Variants in TMEM132B observed in about 807,000 individuals in gnomAD.
TMEM132B encodes the protein transmembrane protein 132B.
TMEM132B carries 18 observed loss-of-function variants against 90.8 expected under a neutral mutation model. The observed-to-expected ratio is 0.20, with a 90% CI of 0.14 to 0.29. TMEM132B has a LOEUF of 0.29. TMEM132B is among the 10% of genes least tolerant of loss of function. TMEM132B has a pLI of 1.00. For synonymous variants in TMEM132B, 504 were observed against 523.3 expected (o/e 0.96, Z 0.50); for missense variants, 1,096 against 1,326.8 (o/e 0.83, Z 2.70).
intron 2 of TMEM132B, among the ~76,000 whole-genome samples, chr12:125,404,268 G>A (rs1879401720): frequency 6.6e-6 from 1 of 152,136 alleles, no homozygotes; most frequent in African/African-American, 2.4e-5. Context: ...AAAGGATTGA[G>A]GGCTGGATGT....
intron 1 of TMEM132B, among the ~76,000 whole-genome samples, chr12:125,198,422 G>A (rs1390833697): frequency 6.6e-6 from 1 of 152,158 alleles, no homozygotes; most frequent in Non-Finnish European, 1.5e-5. Flanking sequence ...TTCTCAGACA[G>A]CCTCCCCCCT....
At chr12:125,591,967 CT>C (rs1312039776) in intron 5 of TMEM132B, among the ~76,000 whole-genome samples, 1 of 152,024 alleles carries the variant, frequency 6.6e-6, no homozygotes, top group Non-Finnish European at 1.5e-5. Flanking sequence ...TTGGCCATAT[CT>C]TTTTTTGGGG....
intron 3 of TMEM132B, among the ~76,000 whole-genome samples, chr12:125,491,138 T>C (rs1882340095): frequency 1.3e-5 from 2 of 152,168 alleles, no homozygotes. Flanking sequence ...CTCCTGACTT[T>C]CCAATCCACC....
Position 125,448,566 on chromosome 12 carries a change from T to C in TMEM132B, c.1106+32889T>C, listed in dbSNP as rs546141377. 9.0e-4 allele frequency among the ~76,000 whole-genome samples: 137 copies of C among 152,328 alleles called. 2 individuals carry two copies. The South Asian group carries it at 0.026, about 29-fold the overall frequency. On this transcript the variant is annotated intron_variant, in intron 3 of 8. Transcript: ENST00000682704. ...ACTTCCCCATCCCAGTAGTATTCCA[T>C]TGTATAGATATAATTTATTGTCTAT...
At chr12:125,297,708 T>C (rs951918431) in intron 1 of TMEM132B, among the ~76,000 whole-genome samples, 6 of 152,200 alleles carry the variant, frequency 3.9e-5, no homozygotes, top group African/African-American at 1.4e-4. Context: ...AGACTGCTGG[T>C]GCTCTAGACC....
intron 1 of TMEM132B, among the ~76,000 whole-genome samples, chr12:125,237,797 C>T (rs1873970313): frequency 6.6e-6 from 1 of 152,228 alleles, no homozygotes; most frequent in African/African-American, 2.4e-5. Flanking sequence ...GTGAACTTCA[C>T]AGCACCAGCA....
chr12:125,325,492 G>A (rs375620267), intron 1 of TMEM132B, among the ~76,000 whole-genome samples: 1 of 152,162 alleles, frequency 6.6e-6, no homozygotes, highest in East Asian at 1.9e-4. Flanking sequence ...TATTTACTAA[G>A]CCTTCAAAGA....
At chr12:125,463,179 T>C (rs1438491023) in intron 3 of TMEM132B, among the ~76,000 whole-genome samples, 1 of 152,244 alleles carries the variant, frequency 6.6e-6, no homozygotes. Context: ...CAGACTGCTT[T>C]ACTCAAATTC....
intron 2 of TMEM132B, among the ~76,000 whole-genome samples, chr12:125,351,785 G>A (rs1222627494): frequency 5.9e-5 from 9 of 152,214 alleles, no homozygotes; most frequent in Non-Finnish European, 1.0e-4. Flanking sequence ...TGTCACCAGG[G>A]CTAGGAGTCG....
At chr12:125,504,871 G>A (rs1000109143) in intron 3 of TMEM132B, among the ~76,000 whole-genome samples, 1 of 151,792 alleles carries the variant, frequency 6.6e-6, no homozygotes, top group African/African-American at 2.4e-5. Flanking sequence ...CACAACCACT[G>A]GAAAATGAGG....
At chr12:125,529,720 T>C (rs1883592983) in intron 4 of TMEM132B, among the ~76,000 whole-genome samples, 1 of 152,216 alleles carries the variant, frequency 6.6e-6, no homozygotes. Flanking sequence ...TTAGAAAGGT[T>C]TGAAGGCTTC....
chr12:125,416,773 A>G (rs1170823613), intron 3 of TMEM132B, among the ~76,000 whole-genome samples: 1 of 152,030 alleles, frequency 6.6e-6, no homozygotes, highest in Non-Finnish European at 1.5e-5. Context: ...GATGCCTCTT[A>G]CTCTAAACTC....
chr12:125,268,637 A>G (rs1290511980), intron 1 of TMEM132B, among the ~76,000 whole-genome samples: 1 of 152,244 alleles, frequency 6.6e-6, no homozygotes, highest in Non-Finnish European at 1.5e-5. Context: ...GCACTTTTAT[A>G]TACACACGAT....
At chr12:125,483,700 G>T (rs540866320) in intron 3 of TMEM132B, among the ~76,000 whole-genome samples, 2 of 152,276 alleles carry the variant, frequency 1.3e-5, no homozygotes, top group South Asian at 4.2e-4. Flanking sequence ...ATGAATGAAT[G>T]GGTATCAGGA....
At chr12:125,197,268 G>A (rs1872946119) in intron 1 of TMEM132B, among the ~76,000 whole-genome samples, 1 of 152,078 alleles carries the variant, frequency 6.6e-6, no homozygotes, top group African/African-American at 2.4e-5. Flanking sequence ...GATGATTCTG[G>A]CACAGTTTAT....
At chr12:125,374,295 G>C (rs76146873) in intron 2 of TMEM132B, among the ~76,000 whole-genome samples, 2 of 152,122 alleles carry the variant, frequency 1.3e-5, no homozygotes, top group African/African-American at 4.8e-5. Context: ...GAAGTCCTCT[G>C]TCTGGAGGCT....
intron 3 of TMEM132B, among the ~76,000 whole-genome samples, chr12:125,471,564 G>A (rs141475546): frequency 1.2e-3 from 187 of 152,312 alleles, no homozygotes; most frequent in African/African-American, 4.4e-3. Flanking sequence ...CCCAGTGGAC[G>A]TCGGGTTGGT....
chr12:125,279,296 C>T (rs1461165498), intron 1 of TMEM132B, among the ~76,000 whole-genome samples: 1 of 152,202 alleles, frequency 6.6e-6, no homozygotes, highest in African/African-American at 2.4e-5. Context: ...AGACTGTTAT[C>T]CCTAGAAAGG....
intron 1 of TMEM132B, among the ~76,000 whole-genome samples, chr12:125,342,573 G>A (rs1443099918): frequency 1.3e-5 from 2 of 152,166 alleles, no homozygotes; most frequent in Non-Finnish European, 2.9e-5. Context: ...GCTGGAGCTG[G>A]GAGCAGGAAC....
Sources: gnomAD v4.1 joint callset for allele counts (sites outside exome capture counted in the v4.1 genomes callset) on GRCh38, gnomAD v4.1.1 for gene constraint, MANE v1.5 for transcripts, NCBI Gene and HGNC (gene_info 2026-07-23, HGNC 2026-07-21) for gene names.